The following CYFIP2 variants were observed in gnomAD, a reference collection of about 807,000 sequenced individuals.
The protein encoded by CYFIP2 is cytoplasmic FMR1-interacting protein 2.
A neutral mutation model predicts 158.7 loss-of-function variants in CYFIP2; 29 were observed. The ratio of observed to expected loss-of-function variants is 0.18; its 90% CI spans 0.14 to 0.25. The LOEUF (loss-of-function observed/expected upper bound fraction) is 0.25. CYFIP2 is among the 10% of genes least tolerant of loss of function. The probability of loss-of-function intolerance (pLI) is 1.00; values close to 1 mark genes in which losing one functional copy is unlikely to be tolerated. For synonymous variants in CYFIP2, 585 were observed against 617.6 expected, an observed-to-expected ratio of 0.95 and a Z score of 0.78; for missense variants, 852 against 1,639.5, an observed-to-expected ratio of 0.52 and a Z score of 8.29.
intron 19 of CYFIP2, among the ~76,000 whole-genome samples, chr5:157,329,615 T>C (rs936134594): frequency 2.6e-5 from 4 of 152,224 alleles, no homozygotes; most frequent in Non-Finnish European, 5.9e-5. Context: ...GCAGATGAAA[T>C]TAATTTTAAT....
rs377656882 is a variant in CYFIP2 at position 157,389,425 on chromosome 5, T to A, written c.3444T>A (p.Ala1148=). The A allele has an allele frequency of 5.1e-5, 80 of 1,583,510 alleles. No homozygotes were observed. The highest frequency in any genetic ancestry group is 3.3e-4 in the Middle Eastern group (2 of 5,990). ...CIPVGTNEFT[A]EQCFGDGLNW... is the part of the protein sequence containing the mutation. ...CTGTGGGAACCAACGAGTTCACAGCTGAGTGAGTACCCCCCAGAGAAGGCA... is the reference window on the plus strand; with the variant it reads ...CTGTGGGAACCAACGAGTTCACAGCAGAGTGAGTACCCCCCAGAGAAGGCA... Residue 1148 remains alanine, a splice_region_variant and synonymous_variant, in exon 29 of 31, where the codon GCT becomes GCA. Coordinates refer to ENST00000620254, the MANE Select transcript of CYFIP2 (RefSeq NM_001037333.3).
intron 28 of CYFIP2, 177 bp downstream of exon 28, chr5:157,383,536 G>T: frequency 1.7e-6 from 1 of 575,700 alleles, no homozygotes; most frequent in Non-Finnish European, 3.1e-6. Context: ...GAGATTTGCT[G>T]ACTCTCAGGC....
chr5:157,312,075 T>A (rs1229430668), intron 11 of CYFIP2, among the ~76,000 whole-genome samples: 2 of 152,208 alleles, frequency 1.3e-5, no homozygotes, highest in Admixed American at 6.5e-5. Context: ...TTAAAAGATA[T>A]GGCAGATAAT....
At chr5:157,362,046 G>C (rs1763877756) in intron 26 of CYFIP2, among the ~76,000 whole-genome samples, 1 of 152,224 alleles carries the variant, frequency 6.6e-6, no homozygotes, top group Non-Finnish European at 1.5e-5. Flanking sequence ...TCATTGTATG[G>C]AGGTTACACA....
chr5:157,319,062 A>G (rs1487409266), intron 13 of CYFIP2, among the ~76,000 whole-genome samples: 1 of 152,186 alleles, frequency 6.6e-6, no homozygotes, highest in African/African-American at 2.4e-5. Context: ...TACTGCAAGA[A>G]GCAGCCAGAA....
intron 23 of CYFIP2, among the ~76,000 whole-genome samples, chr5:157,358,361 A>G (rs573183233): frequency 1.2e-3 from 188 of 152,310 alleles, no homozygotes; most frequent in African/African-American, 4.4e-3. Context: ...TGCTTCACAT[A>G]TGAAGTTCTG....
chr5:157,327,928 A>G, intron 18 of CYFIP2, 45 bp from the exon 19 acceptor site: 1 of 1,592,636 alleles, frequency 6.3e-7, no homozygotes, highest in South Asian at 1.1e-5. Context: ...TTCTGTCATA[A>G]AGCTGAACGG....
intron 5 of CYFIP2, among the ~76,000 whole-genome samples, chr5:157,299,261 A>C (rs988804458): frequency 6.6e-6 from 1 of 152,124 alleles, no homozygotes; most frequent in Non-Finnish European, 1.5e-5. Context: ...GCATTGTCCA[A>C]GTCTGAGCCC....
At chr5:157,344,615 G>A (rs1163944607) in intron 23 of CYFIP2, among the ~76,000 whole-genome samples, 2 of 152,186 alleles carry the variant, frequency 1.3e-5, no homozygotes, top group Non-Finnish European at 2.9e-5. Context: ...TTTCTCTCAT[G>A]CAGTTCCCTC....
chr5:157,368,163 G>A (rs1165731259), intron 26 of CYFIP2, among the ~76,000 whole-genome samples: 1 of 152,246 alleles, frequency 6.6e-6, no homozygotes, highest in African/African-American at 2.4e-5. Flanking sequence ...ACCAAAGTGA[G>A]AAGAGTGACT....
intron 26 of CYFIP2, chr5:157,364,860 C>T (rs749882764): frequency 2.0e-5 from 3 of 151,820 alleles, no homozygotes; most frequent in Non-Finnish European, 2.9e-5. Context: ...GCCTAATGGC[C>T]ATCATAGAGG....
At chr5:157,341,228 A>T (rs544734552) in intron 23 of CYFIP2, 71 bp downstream of exon 23, 105 of 1,418,592 alleles carry the variant, frequency 7.4e-5, no homozygotes, top group Non-Finnish European at 9.9e-5. Context: ...GTGTCTCTTA[A>T]TTAGAAGAGT....
At chr5:157,374,923 C>G (rs1046708737) in intron 26 of CYFIP2, among the ~76,000 whole-genome samples, 4 of 152,224 alleles carry the variant, frequency 2.6e-5, no homozygotes, top group Non-Finnish European at 4.4e-5. Context: ...CCTCTCCATC[C>G]CAGCACCATT....
chr5:157,389,255 T>G lies in CYFIP2; in HGVS notation c.3274T>G (p.Phe1092Val). The change falls in exon 29 of 31, where the codon TTC (phenylalanine) becomes GTC (valine). Residue 1092 changes from phenylalanine to valine, a missense_variant. Physicochemically the swap from Phe to Val is conservative, Grantham distance 50 (BLOSUM62 -1). This residue lies in a region of CYFIP2 where 223 missense variants were observed against 381.6 expected (regional missense o/e 0.58). Transcript: ENST00000620254. The stretch of plus-strand genomic sequence containing the variant: ...GCGGCTGTGCTGTGGCCTGTCCATG[T>G]TCGAGGTCATCCTGACCCGCATTCG... ...KERLCCGLSMFEVILTRIRSY... is the reference protein window; with the variant it reads ...KERLCCGLSMVEVILTRIRSY... 6.2e-7 allele frequency: 1 copy of G among 1,614,056 alleles called. No individual in the cohort carries two copies. The highest frequency in any genetic ancestry group is 8.5e-7 in the Non-Finnish European group (1 of 1,179,882).
chr5:157,369,441 A>G (rs2546777), intron 26 of CYFIP2, among the ~76,000 whole-genome samples: 149,306 of 152,262 alleles, frequency 0.98, 73,217 homozygotes, highest in East Asian at 1. Context: ...CGTATCCTCA[A>G]CACCTAACAC....
chr5:157,268,376 G>T (rs905496947), intron 1 of CYFIP2, among the ~76,000 whole-genome samples: 4 of 152,236 alleles, frequency 2.6e-5, no homozygotes, highest in Non-Finnish European at 4.4e-5. Flanking sequence ...GCCCAGAGAA[G>T]GAAGTAGACA....
At position 157,311,084 on chromosome 5, in the gene CYFIP2, G is replaced by A; in HGVS notation, c.993-580G>A. The A allele has an allele frequency of 2.3e-6, 1 of 434,688 alleles. No homozygotes were observed. The allele number at this position is 434,688 out of a possible 1,614,324, so 26.9% of individuals were successfully genotyped here. On this transcript the variant is annotated intron_variant, in intron 10 of 30. Coordinates refer to ENST00000620254, the MANE Select transcript of CYFIP2 (RefSeq NM_001037333.3). This position sits in a 1 kb window ranked among gnomAD's most constrained non-coding sequence, Gnocchi z 4.7. Reference sequence around the variant, plus strand: ...GAAAGAGGGTGGAAAGAGAAGGAGAGAAGGGGGCGAGAGGTAGAGGGGGTG... The same window carrying A: ...GAAAGAGGGTGGAAAGAGAAGGAGAAAAGGGGGCGAGAGGTAGAGGGGGTG...
rs1408055066 is a variant in CYFIP2 at position 157,393,396 on chromosome 5, G to A, written c.*396G>A. ...GCCCTTGTGTGACCCCAGGACTCAA[G>A]TCTCAGACTGTGAACAGATGTGGCC... On this transcript the variant is annotated 3_prime_UTR_variant, in exon 31 of 31. Coordinates refer to ENST00000620254, the MANE Select transcript of CYFIP2 (RefSeq NM_001037333.3). 6.2e-6 allele frequency: 1 copy of A among 162,312 alleles called. No homozygotes were observed. The highest frequency in any genetic ancestry group is 1.3e-5 in the Non-Finnish European group (1 of 74,856). 10.1% of individuals were successfully genotyped at this position (162,312 alleles called of 1,614,324 possible).
At position 157,373,758 on chromosome 5, in the gene CYFIP2, A is replaced by G. The variant is rs577951668; in HGVS notation, c.3040-8832A>G. Among the ~76,000 whole-genome samples the G allele has an allele frequency of 3.9e-5, 6 of 152,344 alleles. No individual in the cohort carries two copies. In the East Asian group the frequency reaches 7.7e-4, roughly 20 times the overall value. On this transcript the variant is annotated intron_variant, in intron 26 of 30. Coordinates refer to ENST00000620254, the MANE Select transcript of CYFIP2 (RefSeq NM_001037333.3). ...ATTTTAAAATATATGCTGAAATGGT[A>G]TGTGCAGAGAAGAACTGGGCAGTTC... is the stretch of plus-strand genomic sequence containing the variant.
Sources: gnomAD v4.1 joint callset for allele counts (sites outside exome capture counted in the v4.1 genomes callset) on GRCh38, gnomAD v4.1.1 for gene constraint, gnomAD v4.1.1 regional missense constraint, Gnocchi (gnomAD v3.1) non-coding constraint, MANE v1.5 for transcripts, NCBI Gene and HGNC (gene_info 2026-07-23, HGNC 2026-07-21) for gene names.